ATF7: variants seen among roughly 807,000 people sequenced by gnomAD.
ATF7 encodes activating transcription factor 7.
A neutral mutation model predicts 50.4 loss-of-function variants in ATF7; 10 were observed. That is an observed-to-expected ratio of 0.20 (90% CI 0.12 to 0.34). The LOEUF is 0.34. ATF7 is among the 10% of genes least tolerant of loss of function. ATF7 has a pLI of 1.00. For synonymous variants in ATF7, 201 were observed against 226.4 expected (o/e 0.89, Z 1.01); for missense variants, 465 against 613.9 (o/e 0.76, Z 2.56).
Position 53,514,369 on chromosome 12 carries a change from T to C in ATF7, c.*2768A>G, listed in dbSNP as rs767868371. 3 of 152,186 alleles carry C rather than the reference T, an allele frequency of 2.0e-5. No homozygotes were observed. The highest frequency in any genetic ancestry group is 4.4e-5 in the Non-Finnish European group (3 of 68,042). 9.4% of individuals were successfully genotyped at this position (152,186 alleles called of 1,614,324 possible). On this transcript the variant is annotated 3_prime_UTR_variant, in exon 12 of 12. Coordinates refer to ENST00000420353, the MANE Select transcript of ATF7 (RefSeq NM_006856.3). ...CTCCCTTAGGCCTCTAGAAACGCCA[T>C]GGACTTTAGGAAGGGCCAAGTGACA...
chr12:53,578,216 T>G (rs1942204753), intron 2 of ATF7, among the ~76,000 whole-genome samples: 1 of 148,596 alleles, frequency 6.7e-6, no homozygotes, highest in Non-Finnish European at 1.5e-5. Flanking sequence ...CAATGAAAAA[T>G]AAACAAAATT....
intron 3 of ATF7, 103 bp from the exon 4 acceptor site, chr12:53,543,551 G>T: frequency 1.5e-6 from 2 of 1,291,258 alleles, no homozygotes; most frequent in Non-Finnish European, 2.1e-6. Context: ...TTGATTTGGA[G>T]AGAGAGTCTT....
chr12:53,528,251 T>C (rs1467293111), intron 9 of ATF7, among the ~76,000 whole-genome samples: 2 of 152,222 alleles, frequency 1.3e-5, no homozygotes, highest in African/African-American at 4.8e-5. Flanking sequence ...TCACTGTTTC[T>C]CATTGTATAA....
intron 2 of ATF7, among the ~76,000 whole-genome samples, chr12:53,593,218 A>C (rs1000664391): frequency 6.6e-6 from 1 of 152,200 alleles, no homozygotes; most frequent in African/African-American, 2.4e-5. Context: ...CAGCCTGGGC[A>C]GCACAGCAAG....
chr12:53,533,106 G>T, intron 7 of ATF7, 54 bp downstream of exon 7: 1 of 1,457,862 alleles, frequency 6.9e-7, no homozygotes, highest in South Asian at 1.2e-5. Context: ...CATTCAGGTG[G>T]AAGGGAAGGA....
intron 2 of ATF7, among the ~76,000 whole-genome samples, chr12:53,600,253 C>T (rs1187995491): frequency 6.6e-6 from 1 of 152,086 alleles, no homozygotes; most frequent in East Asian, 1.9e-4. Flanking sequence ...TTGAGGTTCA[C>T]AATGAGTGGG....
intron 3 of ATF7, among the ~76,000 whole-genome samples, chr12:53,544,631 C>A (rs1326763685): frequency 6.6e-6 from 1 of 152,078 alleles, no homozygotes; most frequent in African/African-American, 2.4e-5. Context: ...GCCTGTAGTC[C>A]CAGCTACTCA....
chr12:53,545,413 C>T (rs560002596), intron 3 of ATF7, among the ~76,000 whole-genome samples: 10 of 152,094 alleles, frequency 6.6e-5, no homozygotes, highest in Admixed American at 1.3e-4. Flanking sequence ...TCCGCCTCAC[C>T]GTAATCTCTG....
At chr12:53,592,751 G>T (rs1942999306) in intron 2 of ATF7, among the ~76,000 whole-genome samples, 1 of 152,110 alleles carries the variant, frequency 6.6e-6, no homozygotes, top group Admixed American at 6.5e-5. Context: ...AAGTACACTA[G>T]TACAATAGGT....
chr12:53,587,843 A>ATT lies in ATF7; in HGVS notation c.48+13108_48+13109dup, dbSNP rs201692852. ...TACATATATATATATATATATATAT[A>ATT]TTTTTTTTTTTTTTTCTTTTTGACA... On this transcript the variant is annotated intron_variant, in intron 2 of 11. Coordinates refer to ENST00000420353, the MANE Select transcript of ATF7 (RefSeq NM_006856.3). Among the ~76,000 whole-genome samples the ATT allele has an allele frequency of 3.6e-3, 221 of 61,494 alleles. 5 individuals are homozygous for ATT. The highest frequency in any genetic ancestry group is 5.8e-3 in the African/African-American group (113 of 19,476). The allele number at this position is 61,494 out of a possible 152,430, so 40.3% of individuals were successfully genotyped here. A position where few individuals can be genotyped will look rare whatever the true frequency, so the allele number is the denominator to read the frequency against.
intron 4 of ATF7, among the ~76,000 whole-genome samples, chr12:53,541,125 C>G (rs1306993805): frequency 2.0e-5 from 3 of 152,190 alleles, no homozygotes. Context: ...AAGACACTAT[C>G]TTGCTTTCTT....
In ATF7 at chr12:53,562,121, G is replaced by A. The variant is rs184058319; in HGVS notation, c.49-9484C>T. Among the ~76,000 whole-genome samples, 394 of 152,314 alleles carry A rather than the reference G, an allele frequency of 2.6e-3. 1 individual carries two copies. The highest frequency in any genetic ancestry group is 0.01 in the Middle Eastern group (3 of 292). On this transcript the variant is annotated intron_variant, in intron 2 of 11. Coordinates refer to ENST00000420353, the MANE Select transcript of ATF7 (RefSeq NM_006856.3). ...AAATAAGTCCACTGTATAAAGAAAA[G>A]GAATTTTGAAAGCAGAGATATTATT...
rs1301995006 is a variant in ATF7, at chr12:53,516,370, G to T, written c.*767C>A. The T allele has an allele frequency of 6.6e-6, 1 of 152,260 alleles. No homozygotes were observed. Among genetic ancestry groups the T allele is most frequent in the Non-Finnish European group, 1.5e-5 (1 of 67,988 alleles). 9.4% of individuals were successfully genotyped at this position (152,260 alleles called of 1,614,324 possible). ...GAGGTTGCCAAGGCTTAGTGGGGTGGTGGGAAAGACCCCACCACTACACTA... is the reference window on the plus strand; with the variant it reads ...GAGGTTGCCAAGGCTTAGTGGGGTGTTGGGAAAGACCCCACCACTACACTA... On this transcript the variant is annotated 3_prime_UTR_variant, in exon 12 of 12. Coordinates refer to ENST00000420353, the MANE Select transcript of ATF7 (RefSeq NM_006856.3).
At chr12:53,582,628 G>C (rs572180608) in intron 2 of ATF7, among the ~76,000 whole-genome samples, 24 of 152,124 alleles carry the variant, frequency 1.6e-4, no homozygotes, top group Admixed American at 2.0e-4. Flanking sequence ...GCCCAGGCTG[G>C]AGTGCAGTGG....
chr12:53,591,154 C>A (rs1035706048), intron 2 of ATF7, among the ~76,000 whole-genome samples: 13 of 152,096 alleles, frequency 8.5e-5, no homozygotes, highest in Non-Finnish European at 1.9e-4. Context: ...CTACTCTGCA[C>A]TCAATTTTTC....
chr12:53,620,930 G>A (rs551241368), intron 1 of ATF7, among the ~76,000 whole-genome samples: 80 of 152,308 alleles, frequency 5.3e-4, no homozygotes, highest in African/African-American at 1.9e-3. Flanking sequence ...TGGGGCAAGG[G>A]AGGTCGAGTA....
intron 2 of ATF7, among the ~76,000 whole-genome samples, chr12:53,567,464 C>T (rs1327687649): frequency 6.6e-6 from 1 of 152,240 alleles, no homozygotes. Context: ...TTATTTCTCG[C>T]TGCCCCTCTT....
intron 2 of ATF7, among the ~76,000 whole-genome samples, chr12:53,568,172 T>C (rs1409894571): frequency 1.3e-5 from 2 of 152,318 alleles, no homozygotes; most frequent in South Asian, 2.1e-4. Flanking sequence ...ATGCTTACAA[T>C]GCATTCAGAG....
At chr12:53,582,706 G>A (rs1163220477) in intron 2 of ATF7, among the ~76,000 whole-genome samples, 1 of 152,150 alleles carries the variant, frequency 6.6e-6, no homozygotes, top group African/African-American at 2.4e-5. Context: ...AGCCTCCGGA[G>A]TAGCTGGGAC....
Sources: gnomAD v4.1 joint callset for allele counts (sites outside exome capture counted in the v4.1 genomes callset) on GRCh38, gnomAD v4.1.1 for gene constraint, MANE v1.5 for transcripts, NCBI Gene and HGNC (gene_info 2026-07-23, HGNC 2026-07-21) for gene names.